Variants in TRAF3 observed in about 807,000 individuals in gnomAD.
The protein encoded by TRAF3 is TNF receptor-associated factor 3.
In TRAF3, 13 loss-of-function variants were observed where a neutral mutation model predicts 62.3. The observed-to-expected ratio is 0.21, with a 90% CI of 0.14 to 0.33. The LOEUF (loss-of-function observed/expected upper bound fraction) is 0.33, where lower values mean the gene tolerates loss of function less well. Among genes scored for constraint, TRAF3 ranks in the 10% least tolerant of loss-of-function variants. The pLI is 1.00. For synonymous variants in TRAF3, 269 were observed against 283.4 expected, an observed-to-expected ratio of 0.95 and a Z score of 0.51; for missense variants, 440 against 741.8, an observed-to-expected ratio of 0.59 and a Z score of 4.73.
intron 1 of TRAF3, among the ~76,000 whole-genome samples, chr14:102,790,663 CT>C (rs1280162440): frequency 2.0e-5 from 3 of 152,162 alleles, no homozygotes; most frequent in African/African-American, 7.2e-5. Flanking sequence ...TTACCTCCCC[CT>C]GGGTTCCTTC....
chr14:102,840,290 A>G (rs1886300437), intron 2 of TRAF3, among the ~76,000 whole-genome samples: 1 of 152,228 alleles, frequency 6.6e-6, no homozygotes, highest in Non-Finnish European at 1.5e-5. Context: ...TGGAGCAATC[A>G]TAGCTCACTA....
chr14:102,833,601 C>T (rs1192385938), intron 2 of TRAF3, among the ~76,000 whole-genome samples: 2 of 152,176 alleles, frequency 1.3e-5, no homozygotes, highest in Non-Finnish European at 2.9e-5. Context: ...AAAAATCTGC[C>T]TCAGTGCTTT....
At position 102,909,694 on chromosome 14, in the gene TRAF3, C is replaced by G. The variant is rs4906272; in HGVS notation, c.*3910C>G. 2 of 152,174 alleles carry G rather than the reference C, an allele frequency of 1.3e-5. No individual in the cohort carries two copies. Among genetic ancestry groups the G allele is most frequent in the Non-Finnish European group, 2.9e-5 (2 of 68,118 alleles). 9.4% of individuals were successfully genotyped at this position (152,174 alleles called of 1,614,324 possible). On this transcript the variant is annotated 3_prime_UTR_variant, in exon 12 of 12. Coordinates refer to ENST00000392745, the MANE Select transcript of TRAF3 (RefSeq NM_145725.3). ...CCCCATGACCCCGTGTGGCCCAGCT[C>G]GGTGAGGATGCAGTTCTAGGCACAG...
chr14:102,875,840 G>C, intron 5 of TRAF3, 112 bp downstream of exon 5: 1 of 945,734 alleles, frequency 1.1e-6, no homozygotes, highest in South Asian at 1.3e-5. Context: ...GTTGACATTA[G>C]TTTTTCAAAA....
intron 3 of TRAF3, among the ~76,000 whole-genome samples, chr14:102,870,887 A>G (rs1595379770): frequency 6.6e-6 from 1 of 152,226 alleles, no homozygotes; most frequent in East Asian, 1.9e-4. Flanking sequence ...CCTAGGCCGC[A>G]TGCTTACTCA....
At chr14:102,820,535 C>A (rs1899833894) in intron 1 of TRAF3, among the ~76,000 whole-genome samples, 1 of 119,616 alleles carries the variant, frequency 8.4e-6, no homozygotes, top group Non-Finnish European at 1.7e-5. Flanking sequence ...GGTACCTTTA[C>A]ATTTTAAAAA....
chr14:102,864,861 G>T (rs993472480), intron 2 of TRAF3, among the ~76,000 whole-genome samples: 1 of 152,186 alleles, frequency 6.6e-6, no homozygotes, highest in Non-Finnish European at 1.5e-5. Flanking sequence ...GCATGACTGC[G>T]TTGGGCTGAG....
chr14:102,903,111 C>G lies in TRAF3; in HGVS notation c.961-144C>G. On this transcript the variant is annotated intron_variant, in intron 10 of 11. Coordinates refer to ENST00000392745, the MANE Select transcript of TRAF3 (RefSeq NM_145725.3). The surrounding 1 kb of genome is among the most constrained non-coding windows in gnomAD (Gnocchi z 6.4). ...AGGAGGCCTGATGCAGAGCCCCACT[C>G]CTGGAGTCAGAGCCGCGGGTGGCAG... 1 of 1,125,564 alleles carries G rather than the reference C, an allele frequency of 8.9e-7. No individual in the cohort carries two copies. The highest frequency in any genetic ancestry group is 2.0e-4 in the Middle Eastern group (1 of 4,942). 69.7% of individuals were successfully genotyped at this position (1,125,564 alleles called of 1,614,324 possible). A position where few individuals can be genotyped will look rare whatever the true frequency, so the allele number is the denominator to read the frequency against.
chr14:102,786,994 C>A (rs1037995166), intron 1 of TRAF3, among the ~76,000 whole-genome samples: 5 of 152,028 alleles, frequency 3.3e-5, no homozygotes, highest in African/African-American at 1.2e-4. Flanking sequence ...TCAGTGAGAT[C>A]CTGTCTCAAA....
At chr14:102,862,532 G>C (rs1887741993) in intron 2 of TRAF3, among the ~76,000 whole-genome samples, 1 of 151,928 alleles carries the variant, frequency 6.6e-6, no homozygotes, top group Admixed American at 6.6e-5. Flanking sequence ...CCTTGTACTT[G>C]AAGAGTCACT....
chr14:102,887,014 C>G (rs926416840), intron 7 of TRAF3, among the ~76,000 whole-genome samples: 3 of 152,176 alleles, frequency 2.0e-5, no homozygotes, highest in African/African-American at 7.2e-5. Context: ...CAGAAGGGCC[C>G]CTGTGTGGCC....
Position 102,846,638 on chromosome 14 carries a change from T to TAAAAA in TRAF3, c.-18+16190_-18+16194dup, listed in dbSNP as rs752922791. Among the ~76,000 whole-genome samples, 45 of 71,740 alleles carry TAAAAA rather than the reference T, an allele frequency of 6.3e-4. 1 individual carries two copies. Among genetic ancestry groups the TAAAAA allele is most frequent in the African/African-American group, 1.1e-3 (17 of 15,916 alleles). 47.1% of individuals were successfully genotyped at this position (71,740 alleles called of 152,430 possible). A position where few individuals can be genotyped will look rare whatever the true frequency, so the allele number is the denominator to read the frequency against. On this transcript the variant is annotated intron_variant, in intron 2 of 11. Transcript: ENST00000392745. ...GGCAACACAGGGAGATCCAGCTTCT[T>TAAAAA]AAAAAAAAAAAAAAAAAAAAAAAAA...
At chr14:102,811,033 A>G (rs1899097572) in intron 1 of TRAF3, among the ~76,000 whole-genome samples, 1 of 152,220 alleles carries the variant, frequency 6.6e-6, no homozygotes. Flanking sequence ...TAAAAATAAA[A>G]TAATTTTCCT....
intron 2 of TRAF3, among the ~76,000 whole-genome samples, chr14:102,859,389 T>C (rs1338286720): frequency 6.6e-6 from 1 of 152,210 alleles, no homozygotes. Flanking sequence ...GTATGGAGCC[T>C]AGGACACCAG....
chr14:102,785,735 G>A (rs1045911325), intron 1 of TRAF3, among the ~76,000 whole-genome samples: 6 of 152,192 alleles, frequency 3.9e-5, no homozygotes, highest in East Asian at 1.9e-4. Context: ...GGTTTTGAAC[G>A]TGCAACCAGG....
intron 4 of TRAF3, among the ~76,000 whole-genome samples, chr14:102,874,773 C>T (rs770030597): frequency 1.3e-5 from 2 of 151,924 alleles, no homozygotes; most frequent in Non-Finnish European, 2.9e-5. Flanking sequence ...GCCTCAGCCT[C>T]CTGAGTAGCT....
intron 1 of TRAF3, among the ~76,000 whole-genome samples, chr14:102,815,997 A>G (rs1183343693): frequency 6.6e-6 from 1 of 152,086 alleles, no homozygotes; most frequent in Non-Finnish European, 1.5e-5. Context: ...CCGTATTACT[A>G]TTCTTTCTCC....
intron 1 of TRAF3, among the ~76,000 whole-genome samples, chr14:102,780,924 A>G (rs1897248652): frequency 1.3e-5 from 2 of 152,208 alleles, no homozygotes; most frequent in African/African-American, 2.4e-5. Context: ...GGCAGGAAGG[A>G]TAAGGAAAAA....
At chr14:102,820,597 TATATATATATATATATA>T (rs1254158619) in intron 1 of TRAF3, among the ~76,000 whole-genome samples, 883 of 11,384 alleles carry the variant, frequency 0.078, 13 homozygotes, top group African/African-American at 0.14. Context: ...TATATATATA[TATATATATATATATATA>T]TTTTTTTTTT....
Sources: allele counts gnomAD v4.1 joint callset (sites outside exome capture counted in the v4.1 genomes callset), GRCh38; gene constraint gnomAD v4.1.1; non-coding constraint Gnocchi (gnomAD v3.1); transcripts MANE v1.5; gene names NCBI Gene and HGNC (gene_info 2026-07-23, HGNC 2026-07-21).